SPOCK3: variants seen among roughly 807,000 people sequenced by gnomAD.
The protein encoded by SPOCK3 is testican-3.
A neutral mutation model predicts 56.6 loss-of-function variants in SPOCK3; 30 were observed. That is an observed-to-expected ratio of 0.53 (90% CI 0.40 to 0.72). The LOEUF (loss-of-function observed/expected upper bound fraction) is 0.72, where lower values mean the gene tolerates loss of function less well. Ranked by LOEUF, SPOCK3 falls within the 30% of genes least tolerant of loss-of-function variation. The pLI, the probability that SPOCK3 is intolerant of heterozygous loss-of-function variation, is 0.00. For missense variants in SPOCK3, 527 were observed against 530.0 expected (o/e 0.99, Z 0.06); for synonymous variants, 196 against 183.3 (o/e 1.07, Z -0.56).
chr4:166,830,090 C>T (rs1050197737), intron 6 of SPOCK3, among the ~76,000 whole-genome samples: 1 of 152,166 alleles, frequency 6.6e-6, no homozygotes, highest in African/African-American at 2.4e-5. Flanking sequence ...TACCACTCTT[C>T]ATTTTACGTA....
intron 7 of SPOCK3, among the ~76,000 whole-genome samples, chr4:166,791,549 T>C (rs1337872046): frequency 6.6e-6 from 1 of 152,134 alleles, no homozygotes; most frequent in Non-Finnish European, 1.5e-5. Flanking sequence ...CAAATGAAAA[T>C]AATATAAAAT....
At chr4:167,115,471 T>G (rs944152416) in intron 2 of SPOCK3, among the ~76,000 whole-genome samples, 1 of 152,064 alleles carries the variant, frequency 6.6e-6, no homozygotes, top group African/African-American at 2.4e-5. Context: ...GGGTAACTTA[T>G]GTATAATTAT....
intron 6 of SPOCK3, among the ~76,000 whole-genome samples, chr4:166,843,529 G>A (rs537973588): frequency 2.6e-5 from 4 of 152,178 alleles, no homozygotes; most frequent in South Asian, 2.1e-4. Context: ...TATCTTACTC[G>A]TCTTGAAAAA....
intron 2 of SPOCK3, among the ~76,000 whole-genome samples, chr4:167,210,208 T>C (rs1734738623): frequency 6.6e-6 from 1 of 152,144 alleles, no homozygotes. Context: ...TTTATACCTC[T>C]ATAACTTTGC....
chr4:166,971,720 A>G (rs932105000), intron 4 of SPOCK3, among the ~76,000 whole-genome samples: 1 of 152,102 alleles, frequency 6.6e-6, no homozygotes, highest in Non-Finnish European at 1.5e-5. Context: ...ATAATGCACT[A>G]AAGTAATGCA....
intron 2 of SPOCK3, among the ~76,000 whole-genome samples, chr4:167,116,899 T>G (rs71641196): frequency 6.1e-4 from 78 of 127,150 alleles, no homozygotes; most frequent in African/African-American, 2.0e-3. Context: ...ATATATACTT[T>G]TGTGTGTGTG....
chr4:166,789,966 A>G (rs1417119185), intron 7 of SPOCK3, among the ~76,000 whole-genome samples: 2 of 152,180 alleles, frequency 1.3e-5, no homozygotes, highest in African/African-American at 2.4e-5. Flanking sequence ...AAAAGCATAA[A>G]AATTGACTAC....
At chr4:166,802,469 A>G (rs1211859102) in intron 6 of SPOCK3, among the ~76,000 whole-genome samples, 1 of 152,208 alleles carries the variant, frequency 6.6e-6, no homozygotes, top group Non-Finnish European at 1.5e-5. Flanking sequence ...TAGCAGGTTC[A>G]GTGTCTGGTG....
At chr4:167,008,624 G>A (rs560034165) in intron 3 of SPOCK3, among the ~76,000 whole-genome samples, 1 of 152,184 alleles carries the variant, frequency 6.6e-6, no homozygotes, top group South Asian at 2.1e-4. Flanking sequence ...TTTGTAAAAT[G>A]TAGTACATGT....
chr4:167,159,675 CA>C (rs1326145582), intron 2 of SPOCK3, among the ~76,000 whole-genome samples: 16 of 152,086 alleles, frequency 1.1e-4, no homozygotes, highest in Non-Finnish European at 2.4e-4. Flanking sequence ...AGCAGCACAT[CA>C]AAAAGCTTAT....
intron 2 of SPOCK3, among the ~76,000 whole-genome samples, chr4:167,196,289 A>G (rs1322953751): frequency 6.6e-6 from 1 of 152,048 alleles, no homozygotes; most frequent in African/African-American, 2.4e-5. Flanking sequence ...TCATTATTTC[A>G]TTAAACTACA....
At chr4:167,055,330 G>A (rs962547936) in intron 3 of SPOCK3, among the ~76,000 whole-genome samples, 4 of 152,160 alleles carry the variant, frequency 2.6e-5, no homozygotes, top group Non-Finnish European at 4.4e-5. Context: ...AGCCAAGATG[G>A]CCAAATAGGA....
At chr4:166,790,703 A>C (rs10517903) in intron 7 of SPOCK3, among the ~76,000 whole-genome samples, 34,869 of 152,142 alleles carry the variant, frequency 0.23, 4,514 homozygotes, top group East Asian at 0.34. Flanking sequence ...CACCTTGCTG[A>C]GTGTTGCAAA....
At chr4:166,853,916 C>T (rs761584271) in intron 6 of SPOCK3, among the ~76,000 whole-genome samples, 1 of 151,876 alleles carries the variant, frequency 6.6e-6, no homozygotes, top group South Asian at 2.1e-4. Flanking sequence ...TCTCCAAAGT[C>T]GGCCATAGAC....
chr4:166,866,078 C>G (rs1351776403), intron 6 of SPOCK3, among the ~76,000 whole-genome samples: 2 of 152,092 alleles, frequency 1.3e-5, no homozygotes, highest in Non-Finnish European at 2.9e-5. Context: ...GGTACCAAGA[C>G]AGATATATAG....
chr4:166,865,612 C>T (rs1431858501), intron 6 of SPOCK3, among the ~76,000 whole-genome samples: 1 of 152,128 alleles, frequency 6.6e-6, no homozygotes, highest in Non-Finnish European at 1.5e-5. Flanking sequence ...GTGCAAAAAT[C>T]ACAAGCATTC....
At chr4:167,086,329 T>C (rs149313364) in intron 2 of SPOCK3, among the ~76,000 whole-genome samples, 2,074 of 152,232 alleles carry the variant, frequency 0.014, 26 homozygotes, top group Non-Finnish European at 0.021. Context: ...TTTATTAAAG[T>C]GAGACTAACA....
chr4:167,187,794 C>A (rs1732132980), intron 2 of SPOCK3, among the ~76,000 whole-genome samples: 1 of 152,062 alleles, frequency 6.6e-6, no homozygotes, highest in Non-Finnish European at 1.5e-5. Flanking sequence ...TGCAGTGCTA[C>A]TTTAGTAAAC....
chr4:166,901,964 G>C (rs1736097898), intron 5 of SPOCK3, among the ~76,000 whole-genome samples: 1 of 152,070 alleles, frequency 6.6e-6, no homozygotes, highest in African/African-American at 2.4e-5. Flanking sequence ...TTCTCTAGAA[G>C]CCAAGATATG....
Sources: allele counts gnomAD v4.1 joint callset (sites outside exome capture counted in the v4.1 genomes callset), GRCh38; gene constraint gnomAD v4.1.1; transcripts MANE v1.5; gene names NCBI Gene and HGNC (gene_info 2026-07-23, HGNC 2026-07-21).